Variants in MAGI2 observed in about 807,000 individuals in gnomAD.
MAGI2 encodes the protein membrane-associated guanylate kinase, WW and PDZ domain-containing protein 2.
Under a neutral mutation model 133.3 loss-of-function variants are expected in MAGI2, and 35 were observed. That is an observed-to-expected ratio of 0.26 (90% CI 0.20 to 0.35). The LOEUF (loss-of-function observed/expected upper bound fraction) is 0.35, where lower values mean the gene tolerates loss of function less well. MAGI2 is among the 10% of genes least tolerant of loss of function. The pLI is 1.00. For missense variants in MAGI2, 1,636 were observed against 1,863.4 expected, an observed-to-expected ratio of 0.88 and a Z score of 2.25; for synonymous variants, 729 against 710.6, an observed-to-expected ratio of 1.03 and a Z score of -0.41.
At chr7:79,025,661 G>A (rs1183174503) in intron 1 of MAGI2, among the ~76,000 whole-genome samples, 2 of 151,992 alleles carry the variant, frequency 1.3e-5, no homozygotes, top group Non-Finnish European at 2.9e-5. Flanking sequence ...AGGACCATGG[G>A]AAGATTTCTT....
chr7:79,347,762 TA>T (rs1841428460), intron 1 of MAGI2, among the ~76,000 whole-genome samples: 2 of 151,906 alleles, frequency 1.3e-5, no homozygotes, highest in African/African-American at 4.8e-5. Context: ...ACATGAATAA[TA>T]AAAGCATGGA....
At chr7:78,588,548 A>G (rs559081059) in intron 3 of MAGI2, among the ~76,000 whole-genome samples, 1 of 152,304 alleles carries the variant, frequency 6.6e-6, no homozygotes, top group South Asian at 2.1e-4. Context: ...AACAACTTGC[A>G]CCACTCAGGT....
In MAGI2 at chr7:78,868,955, A is replaced by G. The variant is rs552247631; in HGVS notation, c.418+138135T>C. On this transcript the variant is annotated intron_variant, in intron 2 of 21. Transcript: ENST00000354212. ...TTTTTAGTAGAGACGGGGTTTCACC[A>G]TGTTAGCCAGGATGGTCTCAATCTT... Among the ~76,000 whole-genome samples the G allele has an allele frequency of 2.0e-5, 3 of 152,212 alleles. No homozygotes were observed. In the South Asian group the frequency reaches 6.2e-4, roughly 32 times the overall value.
intron 16 of MAGI2, among the ~76,000 whole-genome samples, chr7:78,137,682 A>T (rs962254745): frequency 5.9e-5 from 9 of 152,184 alleles, no homozygotes; most frequent in Non-Finnish European, 1.3e-4. Context: ...CAGACACTGG[A>T]TGAGGTCAAG....
intron 9 of MAGI2, among the ~76,000 whole-genome samples, chr7:78,328,771 C>T (rs963936479): frequency 1.6e-4 from 25 of 152,012 alleles, no homozygotes; most frequent in African/African-American, 5.3e-4. Context: ...CATGAGGACA[C>T]GGGAGAAAAT....
At chr7:78,832,329 C>G (rs1396442342) in intron 2 of MAGI2, among the ~76,000 whole-genome samples, 2 of 151,928 alleles carry the variant, frequency 1.3e-5, no homozygotes, top group African/African-American at 4.8e-5. Context: ...GAATACATGA[C>G]ATGTCTACCA....
intron 20 of MAGI2, among the ~76,000 whole-genome samples, chr7:78,082,027 G>A (rs1389909298): frequency 2.6e-5 from 4 of 152,130 alleles, no homozygotes; most frequent in Admixed American, 2.6e-4. Flanking sequence ...GGGAGAGGGA[G>A]GTATAAACCC....
intron 2 of MAGI2, among the ~76,000 whole-genome samples, chr7:78,686,744 C>T (rs147992815): frequency 0.01 from 1,594 of 152,120 alleles, 30 homozygotes; most frequent in African/African-American, 0.036. Flanking sequence ...TGACAGCCTA[C>T]GGGAGGACTA....
At chr7:79,385,223 CAT>C (rs2129145872) in intron 1 of MAGI2, among the ~76,000 whole-genome samples, 1 of 151,882 alleles carries the variant, frequency 6.6e-6, no homozygotes, top group South Asian at 2.1e-4. Context: ...TGGAAGCTAT[CAT>C]GTGCAAGCTC....
At chr7:79,126,740 G>T (rs560520786) in intron 1 of MAGI2, among the ~76,000 whole-genome samples, 1 of 151,588 alleles carries the variant, frequency 6.6e-6, no homozygotes, top group Non-Finnish European at 1.5e-5. Context: ...AACACCAGTT[G>T]TGCCCATTTA....
chr7:79,230,656 A>C (rs1287583668), intron 1 of MAGI2, among the ~76,000 whole-genome samples: 1 of 149,944 alleles, frequency 6.7e-6, no homozygotes, highest in Non-Finnish European at 1.5e-5. Context: ...TTTTTCTTGT[A>C]AATTTGTTTG....
At position 79,178,510 on chromosome 7, in the gene MAGI2, G is replaced by A. The variant is rs112151410; in HGVS notation, c.302-171304C>T. Among the ~76,000 whole-genome samples the A allele has an allele frequency of 6.0e-3, 914 of 151,776 alleles. 24 individuals are homozygous for A. Among genetic ancestry groups the A allele is most frequent in the African/African-American group, 0.021 (872 of 41,310 alleles). ...GTGGATCAACTGAGGTCAGGAGTTC[G>A]AGACCAGCCTGACCAATATGGTGAA... On this transcript the variant is annotated intron_variant, in intron 1 of 21. Transcript: ENST00000354212.
intron 2 of MAGI2, among the ~76,000 whole-genome samples, chr7:78,920,942 T>G (rs1799176595): frequency 6.6e-6 from 1 of 152,162 alleles, no homozygotes; most frequent in Non-Finnish European, 1.5e-5. Flanking sequence ...TCACACAACT[T>G]CTCCTTGTGA....
intron 2 of MAGI2, among the ~76,000 whole-genome samples, chr7:78,812,221 T>TA (rs1206845956): frequency 5.3e-5 from 8 of 152,258 alleles, no homozygotes; most frequent in East Asian, 1.9e-4. Flanking sequence ...ACCTGTAAGA[T>TA]AAAAAAATTA....
chr7:79,294,923 A>T (rs1585464800), intron 1 of MAGI2, among the ~76,000 whole-genome samples: 2 of 149,996 alleles, frequency 1.3e-5, no homozygotes, highest in African/African-American at 4.9e-5. Context: ...TTTTTTTAGT[A>T]GAGACGGGGT....
At chr7:78,824,313 A>G (rs899893237) in intron 2 of MAGI2, among the ~76,000 whole-genome samples, 9 of 152,162 alleles carry the variant, frequency 5.9e-5, no homozygotes, top group African/African-American at 2.2e-4. Context: ...TGCTGGGTCA[A>G]ATGGTATTTC....
intron 6 of MAGI2, among the ~76,000 whole-genome samples, chr7:78,454,749 G>A (rs1305940330): frequency 6.6e-6 from 1 of 152,066 alleles, no homozygotes; most frequent in African/African-American, 2.4e-5. Flanking sequence ...AAAACGCAAT[G>A]AGCTCTCAAT....
At chr7:78,776,765 G>A (rs1035919220) in intron 2 of MAGI2, among the ~76,000 whole-genome samples, 2 of 152,136 alleles carry the variant, frequency 1.3e-5, no homozygotes, top group African/African-American at 4.8e-5. Context: ...TTCCGCATGG[G>A]AATTATGATG....
chr7:78,817,869 C>T (rs1269105557), intron 2 of MAGI2, among the ~76,000 whole-genome samples: 2 of 151,974 alleles, frequency 1.3e-5, no homozygotes, highest in Non-Finnish European at 2.9e-5. Flanking sequence ...ACCACCATGC[C>T]CGGCTATTTC....
Sources: gnomAD v4.1 joint callset for allele counts (sites outside exome capture counted in the v4.1 genomes callset) on GRCh38, gnomAD v4.1.1 for gene constraint, MANE v1.5 for transcripts, NCBI Gene and HGNC (gene_info 2026-07-23, HGNC 2026-07-21) for gene names.